The following DSG4 variants were observed in gnomAD, a reference collection of about 807,000 sequenced individuals.
DSG4 encodes desmoglein-4.
In DSG4, 87 loss-of-function variants were observed where a neutral mutation model predicts 93.1. The ratio of observed to expected loss-of-function variants is 0.93; its 90% CI spans 0.79 to 1.12. DSG4 has a LOEUF of 1.12. DSG4 is among the 50% of genes most tolerant of loss of function. DSG4 has a pLI of 0.00. For missense variants in DSG4, 1,373 were observed against 1,285.7 expected (o/e 1.07, Z -1.04); for synonymous variants, 432 against 452.9 (o/e 0.95, Z 0.59).
At chr18:31,410,409 C>CTA (rs1009272239) in intron 14 of DSG4, among the ~76,000 whole-genome samples, 8 of 150,956 alleles carry the variant, frequency 5.3e-5, no homozygotes, top group Non-Finnish European at 8.8e-5. Flanking sequence ...GTATGTGTGT[C>CTA]TATATATATA....
In DSG4 at chr18:31,414,759, G is replaced by A. The variant is rs572791426; in HGVS notation, c.*1164G>A. The A allele has an allele frequency of 3.9e-5, 6 of 152,236 alleles. No homozygotes were observed. In the South Asian group the frequency reaches 6.2e-4, roughly 16 times the overall value. 9.4% of individuals were successfully genotyped at this position (152,236 alleles called of 1,614,324 possible). On this transcript the variant is annotated 3_prime_UTR_variant, in exon 16 of 16. Coordinates refer to ENST00000308128, the MANE Select transcript of DSG4 (RefSeq NM_177986.5). ...AATGGAAACACATTGCTTACTTTTC[G>A]TAGGCATAAAGCTGACTTGAGAAAA...
intron 6 of DSG4, 112 bp from the exon 7 acceptor site, chr18:31,390,966 A>G (rs1188240214): frequency 6.6e-7 from 1 of 1,515,222 alleles, no homozygotes; most frequent in Admixed American, 2.0e-5. Flanking sequence ...GCTCAATTAT[A>G]TAAATTTCAT....
rs1568072668 is a variant in DSG4 at position 31,409,329 on chromosome 18, T to C, written c.1934-123T>C. ...CCTAAAGGAAAAAAATGAGATTTTC[T>C]TACATATATTTGTATTTTTGTTCTA... is the stretch of plus-strand genomic sequence containing the variant. On this transcript the variant is annotated intron_variant, in intron 12 of 15. Coordinates refer to ENST00000308128, the MANE Select transcript of DSG4 (RefSeq NM_177986.5). 5 of 1,444,758 alleles carry C rather than the reference T, an allele frequency of 3.5e-6. No individual in the cohort carries two copies. In the South Asian group the frequency reaches 5.8e-5, roughly 17 times the overall value. 89.5% of individuals were successfully genotyped at this position (1,444,758 alleles called of 1,614,324 possible). A position where few individuals can be genotyped will look rare whatever the true frequency, so the allele number is the denominator to read the frequency against.
At chr18:31,390,559 C>T in intron 5 of DSG4, 97 bp from the exon 6 acceptor site, 1 of 1,427,340 alleles carries the variant, frequency 7.0e-7, no homozygotes, top group Non-Finnish European at 9.8e-7. Context: ...AGAGAGAATT[C>T]AGGAGAAGGC....
At position 31,413,811 on chromosome 18, in the gene DSG4, G is replaced by T; in HGVS notation, c.*216G>T. ...AATTCTTTCTGATTTTAAATAATGC[G>T]TCAAAAAATGTGCAGAAAATGTATT... On this transcript the variant is annotated 3_prime_UTR_variant, in exon 16 of 16. Coordinates refer to ENST00000308128, the MANE Select transcript of DSG4 (RefSeq NM_177986.5). The T allele has an allele frequency of 1.8e-6, 1 of 567,822 alleles. No individual in the cohort carries two copies. Among genetic ancestry groups the T allele is most frequent in the Non-Finnish European group, 3.0e-6 (1 of 331,902 alleles). 35.2% of individuals were successfully genotyped at this position (567,822 alleles called of 1,614,324 possible).
At chr18:31,387,926 A>G (rs2072205360) in intron 3 of DSG4, among the ~76,000 whole-genome samples, 1 of 152,170 alleles carries the variant, frequency 6.6e-6, no homozygotes, top group South Asian at 2.1e-4. Context: ...TAACCATTAT[A>G]GTTTTCTGAT....
intron 1 of DSG4, among the ~76,000 whole-genome samples, chr18:31,377,520 T>C (rs1004585494): frequency 6.6e-6 from 1 of 152,220 alleles, no homozygotes; most frequent in African/African-American, 2.4e-5. Context: ...TTTTCTGGAA[T>C]TATGAATGCA....
chr18:31,378,908 C>T (rs1022579638), intron 1 of DSG4, among the ~76,000 whole-genome samples: 2 of 152,164 alleles, frequency 1.3e-5, no homozygotes, highest in Non-Finnish European at 2.9e-5. Context: ...TCTTCATTAA[C>T]TAAATCAAAG....
chr18:31,393,625 C>G (rs2072274005), intron 8 of DSG4, among the ~76,000 whole-genome samples: 1 of 152,168 alleles, frequency 6.6e-6, no homozygotes, highest in Non-Finnish European at 1.5e-5. Context: ...TCACCAGGCC[C>G]CACCTCCAAC....
Position 31,390,761 on chromosome 18 carries a change from T to A in DSG4, c.623T>A (p.Met208Lys). The change falls in exon 6 of 16, where the codon ATG (methionine) becomes AAG (lysine). Residue 208 changes from methionine (M) to lysine (K), a missense_variant. Transcript: ENST00000308128. ...IVSQEPSGAP[M>K]FILNRYTGEV... ...TCTCAGGAGCCATCAGGTGCACCCA[T>A]GTTCATTCTGAATAGGTACACTGGA... 9 of 1,613,794 alleles carry A rather than the reference T, an allele frequency of 5.6e-6. No homozygotes were observed. Among genetic ancestry groups the A allele is most frequent in the Non-Finnish European group, 7.6e-6 (9 of 1,179,782 alleles).
chr18:31,388,097 G>A (rs1215242675), intron 3 of DSG4, among the ~76,000 whole-genome samples: 1 of 152,010 alleles, frequency 6.6e-6, no homozygotes, highest in Non-Finnish European at 1.5e-5. Context: ...TGAACAATGT[G>A]TTATTAACAA....
At chr18:31,385,835 C>A (rs986944668) in intron 2 of DSG4, among the ~76,000 whole-genome samples, 6 of 152,060 alleles carry the variant, frequency 3.9e-5, no homozygotes, top group Non-Finnish European at 8.8e-5. Flanking sequence ...CTCCTTCCCC[C>A]AAAGTGGTAA....
Position 31,376,921 on chromosome 18 carries a change from CTCT to C in DSG4, c.16_18del (p.Phe6del). 6.2e-7 allele frequency: 1 copy of C among 1,613,628 alleles called. No individual in the cohort carries two copies. Among genetic ancestry groups the C allele is most frequent in the Non-Finnish European group, 8.5e-7 (1 of 1,179,712 alleles). On this transcript the variant is annotated inframe_deletion, in exon 1 of 16. Coordinates refer to ENST00000308128, the MANE Select transcript of DSG4 (RefSeq NM_177986.5). ...AGAGAAACCCAAAGGAATGGATTGG[CTCT>C]TCTTCAGAAACATTTGCCTTTTGAT...
At position 31,409,933 on chromosome 18, in the gene DSG4, G is replaced by A. The variant is rs532862146; in HGVS notation, c.2137+125G>A. On this transcript the variant is annotated intron_variant, in intron 14 of 15. Coordinates refer to ENST00000308128, the MANE Select transcript of DSG4 (RefSeq NM_177986.5). ...CTCTTTGGGTGACAGTATAATTAGA[G>A]GGAATGTGACCTGTTTGAAGTAGCC... 6.2e-6 allele frequency: 7 copies of A among 1,130,140 alleles called. No individual in the cohort carries two copies. In the East Asian group the frequency reaches 1.5e-4, roughly 25 times the overall value. The allele number at this position is 1,130,140 out of a possible 1,614,324, so 70.0% of individuals were successfully genotyped here. A position where few individuals can be genotyped will look rare whatever the true frequency, so the allele number is the denominator to read the frequency against.
chr18:31,402,948 CA>C, intron 10 of DSG4, among the ~76,000 whole-genome samples: 1 of 152,228 alleles, frequency 6.6e-6, no homozygotes, highest in Non-Finnish European at 1.5e-5. Context: ...AAGAAAAACA[CA>C]AACAAGTATT....
chr18:31,411,836 G>A (rs2072497465), intron 15 of DSG4, among the ~76,000 whole-genome samples: 2 of 151,992 alleles, frequency 1.3e-5, no homozygotes, highest in South Asian at 2.1e-4. Context: ...ATGTTCTCCC[G>A]GAGCCTCCAA....
Position 31,414,799 on chromosome 18 carries a change from G to A in DSG4, c.*1204G>A, listed in dbSNP as rs1370467293. 1.3e-5 allele frequency: 2 copies of A among 152,154 alleles called. No homozygotes were observed. Among genetic ancestry groups the A allele is most frequent in the Non-Finnish European group, 2.9e-5 (2 of 68,016 alleles). 9.4% of individuals were successfully genotyped at this position (152,154 alleles called of 1,614,324 possible). On this transcript the variant is annotated 3_prime_UTR_variant, in exon 16 of 16. Transcript: ENST00000308128. ...ACTTGAGAAAAAGAATCTCTAGCCAGGTAATTTTACTTAATTCTGTAAAAT... is the reference window on the plus strand; with the variant it reads ...ACTTGAGAAAAAGAATCTCTAGCCAAGTAATTTTACTTAATTCTGTAAAAT...
Position 31,409,542 on chromosome 18 carries a change from A to T in DSG4, c.2024A>T (p.Glu675Val). 6.2e-7 allele frequency: 1 copy of T among 1,614,180 alleles called. No homozygotes were observed. ...TRFAPVPEGGEGVMQSWRIEG... is the reference protein window; with the variant it reads ...TRFAPVPEGGVGVMQSWRIEG... The stretch of plus-strand genomic sequence containing the variant: ...TTTGCTCCTGTGCCTGAGGGCGGAG[A>T]AGGAGTGATGCAGTCTTGGAGAATT... The change falls in exon 13 of 16, where the codon GAA becomes GTA. Residue 675 changes from glutamate (E) to valine (V), a missense_variant. By Grantham distance (121) the Glu-to-Val change is moderately radical (BLOSUM62 -2). Coordinates refer to ENST00000308128, the MANE Select transcript of DSG4 (RefSeq NM_177986.5).
chr18:31,385,129 A>G lies in DSG4; in HGVS notation c.49-7A>G. 1 of 1,601,998 alleles carries G rather than the reference A, an allele frequency of 6.2e-7. No individual in the cohort carries two copies. The highest frequency in any genetic ancestry group is 1.7e-5 in the Admixed American group (1 of 59,888). ...TTATGCTAATGTGGTATCTTCTATCAAAACAGGTGGTGATGGAAGTAAACA... is the reference window on the plus strand; with the variant it reads ...TTATGCTAATGTGGTATCTTCTATCGAAACAGGTGGTGATGGAAGTAAACA... On this transcript the variant is annotated splice_polypyrimidine_tract_variant and splice_region_variant and intron_variant, in intron 1 of 15. Coordinates refer to ENST00000308128, the MANE Select transcript of DSG4 (RefSeq NM_177986.5).
Sources: gnomAD v4.1 joint callset for allele counts (sites outside exome capture counted in the v4.1 genomes callset) on GRCh38, gnomAD v4.1.1 for gene constraint, MANE v1.5 for transcripts, NCBI Gene and HGNC (gene_info 2026-07-23, HGNC 2026-07-21) for gene names.